GREB1: variants seen among roughly 807,000 people sequenced by gnomAD.
GREB1 encodes the protein growth regulating estrogen receptor binding 1, also known as protein GREB1.
A neutral mutation model predicts 200.7 loss-of-function variants in GREB1; 106 were observed. The ratio of observed to expected loss-of-function variants is 0.53; its 90% CI spans 0.45 to 0.62. The LOEUF (loss-of-function observed/expected upper bound fraction) is 0.62, where lower values mean the gene tolerates loss of function less well. Among genes scored for constraint, GREB1 ranks in the 20% least tolerant of loss-of-function variants. The pLI, the probability that GREB1 is intolerant of heterozygous loss-of-function variation, is 0.00. For missense variants in GREB1, 2,243 were observed against 2,556.8 expected (o/e 0.88, Z 2.65); for synonymous variants, 1,132 against 1,092.4 (o/e 1.04, Z -0.72).
intron 7 of GREB1, among the ~76,000 whole-genome samples, chr2:11,581,974 A>C (rs966618382): frequency 2.0e-5 from 3 of 152,222 alleles, no homozygotes; most frequent in African/African-American, 7.2e-5. Flanking sequence ...ACAGCAGCCA[A>C]GACCCAGGCA....
rs1472130175 is a variant in GREB1 at position 11,562,534 on chromosome 2, A to G, written c.229A>G (p.Asn77Asp). ...EGGLETNGPP[N>D]PFQLHPLPEG... ...AGGGCTGGAAACAAATGGCCCCCCA[A>G]ACCCTTTCCAGCTGCACCCTCTGCC... Residue 77 changes from asparagine to aspartate, a missense_variant, in exon 3 of 33, where the codon AAC becomes GAC. Around this residue, in one of 3 missense-constraint regions of GREB1, gnomAD observed 1,178 missense variants for 1,387.4 expected, o/e 0.85. Transcript: ENST00000381486. 7 of 1,605,344 alleles carry G rather than the reference A, an allele frequency of 4.4e-6. No homozygotes were observed. Among genetic ancestry groups the G allele is most frequent in the Admixed American group, 1.7e-5 (1 of 58,482 alleles).
Position 11,589,825 on chromosome 2 carries a change from G to C in GREB1, c.1345+894G>C, listed in dbSNP as rs369503971. On this transcript the variant is annotated intron_variant, in intron 10 of 32. Transcript: ENST00000381486. The stretch of plus-strand genomic sequence containing the variant: ...AAGGGGGTGGGAGCAGATGGGGCCT[G>C]GGTTTCAGCCTGAGCAGCCAGGTGA... Among the ~76,000 whole-genome samples, 24 of 152,292 alleles carry C rather than the reference G, an allele frequency of 1.6e-4. No individual in the cohort carries two copies. In the East Asian group the frequency reaches 4.6e-3, roughly 29 times the overall value.
At position 11,642,369 on chromosome 2, in the gene GREB1, C is replaced by G. The variant is rs1269865932; in HGVS notation, c.*1915C>G. ...TTGTGAACTCCTGGCCTCAGGTGAT[C>G]TGCCCACCTCATCCTCCAAAAGTGC... On this transcript the variant is annotated 3_prime_UTR_variant, in exon 33 of 33. Coordinates refer to ENST00000381486, the MANE Select transcript of GREB1 (RefSeq NM_014668.4). The G allele has an allele frequency of 2.0e-5, 3 of 151,958 alleles. No homozygotes were observed. The highest frequency in any genetic ancestry group is 2.9e-5 in the Non-Finnish European group (2 of 67,998). 9.4% of individuals were successfully genotyped at this position (151,958 alleles called of 1,614,324 possible).
chr2:11,591,405 T>A (rs1394527148), intron 10 of GREB1: 1 of 732,894 alleles, frequency 1.4e-6, no homozygotes, highest in South Asian at 1.5e-5. Flanking sequence ...GCACATCAAA[T>A]ACGAAATCCG....
At position 11,616,650 on chromosome 2, in the gene GREB1, A is replaced by T. The variant is rs757793003; in HGVS notation, c.3342A>T (p.Arg1114Ser). ...LGTEGSTSEK[R>S]SPMKRERSRS... Reference sequence around the variant, plus strand: ...GAACAGGCTCTACCTCGGAGAAGAGAAGCCCCATGAAAAGGGAGAGGTCCC... The same window carrying T: ...GAACAGGCTCTACCTCGGAGAAGAGTAGCCCCATGAAAAGGGAGAGGTCCC... The change falls in exon 21 of 33, where the codon AGA becomes AGT. Residue 1114 changes from arginine to serine, a missense_variant. Coordinates refer to ENST00000381486, the MANE Select transcript of GREB1 (RefSeq NM_014668.4). The T allele has an allele frequency of 4.3e-6, 7 of 1,610,942 alleles. No individual in the cohort carries two copies. The South Asian group carries it at 7.7e-5, about 18-fold the overall frequency.
At chr2:11,599,766 C>T (rs113484298) in intron 15 of GREB1, among the ~76,000 whole-genome samples, 5,236 of 152,120 alleles carry the variant, frequency 0.034, 311 homozygotes, top group African/African-American at 0.12. Flanking sequence ...GTGATCCGCC[C>T]GCCTCGGCCT....
chr2:11,634,002 A>ACTG (rs1461299048), intron 28 of GREB1, 129 bp from the exon 29 acceptor site: 1 of 822,798 alleles, frequency 1.2e-6, no homozygotes, highest in African/African-American at 1.7e-5. Context: ...CCCTGGGGGG[A>ACTG]CTGTGCGGGG....
At chr2:11,517,188 C>G (rs931384052) in intron 1 of GREB1, among the ~76,000 whole-genome samples, 1 of 152,174 alleles carries the variant, frequency 6.6e-6, no homozygotes, top group African/African-American at 2.4e-5. Flanking sequence ...CCCTGCTGCC[C>G]CCGGCCTCCC....
Position 11,592,808 on chromosome 2 carries a change from G to T in GREB1, c.1378G>T (p.Glu460Ter). The T allele has an allele frequency of 6.4e-7, 1 of 1,567,844 alleles. No individual in the cohort carries two copies. Among genetic ancestry groups the T allele is most frequent in the Non-Finnish European group, 8.6e-7 (1 of 1,163,956 alleles). ...CCAGGTGCCCTTGATGGAGGACCTG[G>T]AGCAGATCTTCCTGCGCTCTTGGCG... ...ADQVPLMEDL[E>*]QIFLRSWRES... The change falls in exon 11 of 33, where the codon GAG (glutamate) becomes TAG (stop). Residue 460 changes from glutamate (E) to a stop codon, truncating the protein, a stop_gained. Transcript: ENST00000381486. LOFTEE classifies it high-confidence loss of function.
At chr2:11,550,468 G>T (rs919285215) in intron 1 of GREB1, among the ~76,000 whole-genome samples, 6 of 152,222 alleles carry the variant, frequency 3.9e-5, no homozygotes, top group Non-Finnish European at 7.3e-5. Flanking sequence ...CTATGTCCAA[G>T]AGTCCAGATT....
chr2:11,496,207 C>T (rs888008258), intron 1 of GREB1, among the ~76,000 whole-genome samples: 1 of 152,158 alleles, frequency 6.6e-6, no homozygotes, highest in Admixed American at 6.5e-5. Flanking sequence ...AGGCACCGGC[C>T]ACTGTGCGCT....
At chr2:11,487,330 G>A (rs1419288010) in intron 1 of GREB1, among the ~76,000 whole-genome samples, 7 of 152,220 alleles carry the variant, frequency 4.6e-5, no homozygotes, top group Non-Finnish European at 8.8e-5. Context: ...CTTGATCTCA[G>A]TGGGTATAAT....
chr2:11,538,817 C>CT (rs1558511665), intron 1 of GREB1, among the ~76,000 whole-genome samples: 12 of 102,832 alleles, frequency 1.2e-4, no homozygotes, highest in African/African-American at 2.8e-4. Flanking sequence ...TCCTTCCTTC[C>CT]TCCCTCCCTT....
At chr2:11,550,687 G>A (rs1439992489) in intron 1 of GREB1, among the ~76,000 whole-genome samples, 3 of 152,166 alleles carry the variant, frequency 2.0e-5, no homozygotes, top group Non-Finnish European at 4.4e-5. Flanking sequence ...GGCTTGGAAA[G>A]GACACTTTCC....
intron 26 of GREB1, among the ~76,000 whole-genome samples, 192 bp downstream of exon 26, chr2:11,630,301 A>G (rs765826067): frequency 6.6e-6 from 1 of 152,160 alleles, no homozygotes; most frequent in Non-Finnish European, 1.5e-5. Flanking sequence ...ACCATTTACT[A>G]GTTTTGTTAC....
intron 17 of GREB1, among the ~76,000 whole-genome samples, chr2:11,603,966 G>T (rs75851064): frequency 0.011 from 1,681 of 152,312 alleles, 31 homozygotes; most frequent in African/African-American, 0.039. Context: ...CACATGGGGG[G>T]TTTATAGTGA....
At chr2:11,605,075 C>G (rs1197932346) in intron 17 of GREB1, among the ~76,000 whole-genome samples, 2 of 147,008 alleles carry the variant, frequency 1.4e-5, no homozygotes, top group Admixed American at 1.4e-4. Context: ...CTCTGCTGAG[C>G]CACAGCTAGG....
intron 10 of GREB1, among the ~76,000 whole-genome samples, chr2:11,590,969 G>A (rs538092900): frequency 2.6e-5 from 4 of 152,156 alleles, no homozygotes; most frequent in East Asian, 1.9e-4. Flanking sequence ...CATGGGAAGC[G>A]GCTGGCAACC....
chr2:11,487,326 C>G (rs1160767523), intron 1 of GREB1, among the ~76,000 whole-genome samples: 3 of 152,220 alleles, frequency 2.0e-5, no homozygotes, highest in African/African-American at 7.2e-5. Flanking sequence ...TCCTCTTGAT[C>G]TCAGTGGGTA....
Sources: allele counts gnomAD v4.1 joint callset (sites outside exome capture counted in the v4.1 genomes callset), GRCh38; gene constraint gnomAD v4.1.1; regional missense constraint gnomAD v4.1.1; transcripts MANE v1.5; gene names NCBI Gene and HGNC (gene_info 2026-07-23, HGNC 2026-07-21).